The following SLC10A7 variants were observed in gnomAD, a reference collection of about 807,000 sequenced individuals.
SLC10A7 encodes sodium/bile acid cotransporter 7.
In SLC10A7, 29 loss-of-function variants were observed where a neutral mutation model predicts 43.2. The ratio of observed to expected loss-of-function variants is 0.67; its 90% CI spans 0.50 to 0.92. The LOEUF is 0.92. Among genes scored for constraint, SLC10A7 ranks in the 40% least tolerant of loss-of-function variants. The pLI is 0.00. For synonymous variants in SLC10A7, 152 were observed against 144.8 expected (o/e 1.05, Z -0.35); for missense variants, 295 against 403.2 (o/e 0.73, Z 2.30).
intron 6 of SLC10A7, among the ~76,000 whole-genome samples, chr4:146,316,955 T>C (rs1400708023): frequency 6.6e-6 from 1 of 152,100 alleles, no homozygotes. Context: ...AATTAACTCA[T>C]TTCATCTTAT....
intron 5 of SLC10A7, among the ~76,000 whole-genome samples, chr4:146,430,886 A>C (rs1052647826): frequency 2.6e-5 from 4 of 152,132 alleles, no homozygotes; most frequent in Non-Finnish European, 5.9e-5. Context: ...AGCTCGTTCA[A>C]TTACCAAAAG....
intron 4 of SLC10A7, among the ~76,000 whole-genome samples, chr4:146,491,782 T>C (rs1007250273): frequency 1.3e-5 from 2 of 152,008 alleles, no homozygotes; most frequent in African/African-American, 4.8e-5. Context: ...GCAAGGCCAG[T>C]ATCTTGGCAC....
intron 5 of SLC10A7, among the ~76,000 whole-genome samples, chr4:146,338,981 G>A (rs1734074839): frequency 6.6e-6 from 1 of 151,962 alleles, no homozygotes; most frequent in South Asian, 2.1e-4. Flanking sequence ...AAGCAAGGCA[G>A]AGACGTGGAA....
intron 5 of SLC10A7, among the ~76,000 whole-genome samples, chr4:146,405,823 T>G (rs1579103139): frequency 6.6e-6 from 1 of 152,152 alleles, no homozygotes. Flanking sequence ...GAAGAGTTTT[T>G]TTTTTTTGGC....
intron 4 of SLC10A7, among the ~76,000 whole-genome samples, chr4:146,482,356 G>C (rs1440014982): frequency 6.6e-6 from 1 of 152,044 alleles, no homozygotes; most frequent in Non-Finnish European, 1.5e-5. Flanking sequence ...AATACAGATA[G>C]ACAATTTAAT....
intron 5 of SLC10A7, among the ~76,000 whole-genome samples, chr4:146,426,705 C>T (rs1038928948): frequency 2.0e-5 from 3 of 152,104 alleles, no homozygotes; most frequent in Non-Finnish European, 4.4e-5. Context: ...GAAACCCCGT[C>T]TCTATTAAAA....
chr4:146,460,804 A>G (rs1732464444), intron 4 of SLC10A7, among the ~76,000 whole-genome samples: 1 of 152,048 alleles, frequency 6.6e-6, no homozygotes, highest in African/African-American at 2.4e-5. Context: ...TTTACTGTCT[A>G]TAAATTATAT....
rs577138998 is a variant in SLC10A7, at chr4:146,321,056, T to C, written c.471+4905A>G. Among the ~76,000 whole-genome samples, 5 of 152,232 alleles carry C rather than the reference T, an allele frequency of 3.3e-5. No individual in the cohort carries two copies. The East Asian group carries it at 9.7e-4, about 29-fold the overall frequency. On this transcript the variant is annotated intron_variant, in intron 6 of 11. Coordinates refer to ENST00000335472, the MANE Select transcript of SLC10A7 (RefSeq NM_001029998.6). ...GCCTTCATTAGCTCCTATGCCTGAA[T>C]ACCCAGAAATTTCCATTTTATGATA...
At chr4:146,481,497 G>C (rs1172936818) in intron 4 of SLC10A7, among the ~76,000 whole-genome samples, 2 of 152,200 alleles carry the variant, frequency 1.3e-5, no homozygotes, top group African/African-American at 2.4e-5. Flanking sequence ...ATCCCCCAGA[G>C]CCTGAGTTAC....
intron 4 of SLC10A7, among the ~76,000 whole-genome samples, chr4:146,467,454 AACACACACACACAC>A (rs35773390): frequency 6.3e-4 from 89 of 140,806 alleles, no homozygotes; most frequent in East Asian, 2.3e-3. Flanking sequence ...AGCAGGTTTA[AACACACACACACAC>A]ACACACACAC....
Position 146,280,305 on chromosome 4 carries a change from G to A in SLC10A7, c.847+2887C>T, listed in dbSNP as rs115694031. ...GTTATATTTCATCTTTGTGTCAGCA[G>A]TGAGAGAAAATATAACTCTAACTGA... On this transcript the variant is annotated intron_variant, in intron 10 of 11. Transcript: ENST00000335472. Among the ~76,000 whole-genome samples the A allele has an allele frequency of 6.6e-5, 10 of 152,144 alleles. No homozygotes were observed. In the East Asian group the frequency reaches 1.9e-3, roughly 29 times the overall value.
Position 146,517,034 on chromosome 4 carries a change from G to A in SLC10A7, c.183+4C>T. 1 of 1,589,060 alleles carries A rather than the reference G, an allele frequency of 6.3e-7. No individual in the cohort carries two copies. Among genetic ancestry groups the A allele is most frequent in the Non-Finnish European group, 8.6e-7 (1 of 1,164,850 alleles). On this transcript the variant is annotated splice_donor_region_variant and intron_variant, in intron 2 of 11. Transcript: ENST00000335472. The stretch of plus-strand genomic sequence containing the variant: ...CTTTTCATGTGTCCCATAGATGACA[G>A]TACCTCTGTTTTCAATGATAGTCCA...
At chr4:146,271,539 T>C (rs1007423308) in intron 10 of SLC10A7, among the ~76,000 whole-genome samples, 1 of 152,142 alleles carries the variant, frequency 6.6e-6, no homozygotes, top group Non-Finnish European at 1.5e-5. Flanking sequence ...CTGCCACACC[T>C]TCCCACAAAA....
At chr4:146,482,932 G>T (rs773008095) in intron 4 of SLC10A7, among the ~76,000 whole-genome samples, 2 of 151,780 alleles carry the variant, frequency 1.3e-5, no homozygotes, top group Non-Finnish European at 2.9e-5. Flanking sequence ...AGAGTGGAAT[G>T]ATATATTCAA....
At chr4:146,484,132 G>T (rs1734724408) in intron 4 of SLC10A7, among the ~76,000 whole-genome samples, 1 of 152,274 alleles carries the variant, frequency 6.6e-6, no homozygotes, top group South Asian at 2.1e-4. Context: ...CAGGAGGATT[G>T]CTTGAGGCCA....
chr4:146,501,770 G>C (rs958956165), intron 4 of SLC10A7, among the ~76,000 whole-genome samples: 1 of 152,128 alleles, frequency 6.6e-6, no homozygotes, highest in Non-Finnish European at 1.5e-5. Flanking sequence ...TTCTCACATA[G>C]CAACAGCAAC....
chr4:146,476,208 ACT>A (rs1560945976), intron 4 of SLC10A7, among the ~76,000 whole-genome samples: 1 of 151,952 alleles, frequency 6.6e-6, no homozygotes, highest in Non-Finnish European at 1.5e-5. Flanking sequence ...GAAAACTAAC[ACT>A]CTTCACCTCC....
chr4:146,292,903 A>G (rs551205022), intron 9 of SLC10A7, 26 bp downstream of exon 9: 5 of 1,518,646 alleles, frequency 3.3e-6, no homozygotes, highest in African/African-American at 1.4e-5. Flanking sequence ...TAGAAAACTA[A>G]TAACAAGAGA....
intron 5 of SLC10A7, among the ~76,000 whole-genome samples, chr4:146,392,940 T>A (rs568868504): frequency 6.6e-6 from 1 of 152,254 alleles, no homozygotes; most frequent in African/African-American, 2.4e-5. Context: ...GGCTTTCTTT[T>A]AGTTCCTTAA....
Sources: allele counts gnomAD v4.1 joint callset (sites outside exome capture counted in the v4.1 genomes callset), GRCh38; gene constraint gnomAD v4.1.1; transcripts MANE v1.5; gene names NCBI Gene and HGNC (gene_info 2026-07-23, HGNC 2026-07-21).